The following ERC2 variants were observed in gnomAD, a reference collection of about 807,000 sequenced individuals.
ERC2 encodes ELKS/RAB6-interacting/CAST family member 2.
A neutral mutation model predicts 114.8 loss-of-function variants in ERC2; 42 were observed. The ratio of observed to expected loss-of-function variants is 0.37; its 90% CI spans 0.29 to 0.47. ERC2 has a LOEUF of 0.47. ERC2 is among the 20% of genes least tolerant of loss of function. The probability of loss-of-function intolerance (pLI) is 0.99; values close to 1 mark genes in which losing one functional copy is unlikely to be tolerated. For missense variants in ERC2, 939 were observed against 1,150.7 expected (o/e 0.82, Z 2.66); for synonymous variants, 454 against 425.5 (o/e 1.07, Z -0.82).
intron 14 of ERC2, among the ~76,000 whole-genome samples, chr3:55,801,742 C>A (rs976407576): frequency 6.6e-6 from 1 of 152,190 alleles, no homozygotes; most frequent in African/African-American, 2.4e-5. Flanking sequence ...AAATGTGGGA[C>A]CCTTGTTAAG....
intron 1 of ERC2, among the ~76,000 whole-genome samples, chr3:56,465,472 C>G (rs948860086): frequency 6.6e-6 from 1 of 152,110 alleles, no homozygotes; most frequent in East Asian, 1.9e-4. Context: ...ATCATTATAC[C>G]TAATCACTAA....
intron 3 of ERC2, among the ~76,000 whole-genome samples, chr3:56,206,776 C>G (rs1467239955): frequency 6.6e-6 from 1 of 152,204 alleles, no homozygotes; most frequent in East Asian, 1.9e-4. Flanking sequence ...TCCCCTTCCT[C>G]CCATTTGTGA....
chr3:55,742,163 A>T (rs933834464), intron 14 of ERC2, among the ~76,000 whole-genome samples: 1 of 152,032 alleles, frequency 6.6e-6, no homozygotes, highest in Non-Finnish European at 1.5e-5. Context: ...TCCTGCCAAG[A>T]TAAATGCCTT....
intron 17 of ERC2, among the ~76,000 whole-genome samples, chr3:55,540,797 A>G (rs2054342833): frequency 1.3e-5 from 2 of 152,216 alleles, no homozygotes; most frequent in Non-Finnish European, 1.5e-5. Flanking sequence ...GAGCAAGGTC[A>G]GTTCGGACCG....
At chr3:55,609,053 C>T (rs1349033330) in intron 17 of ERC2, among the ~76,000 whole-genome samples, 1 of 152,156 alleles carries the variant, frequency 6.6e-6, no homozygotes, top group Non-Finnish European at 1.5e-5. Context: ...CGATTACTTC[C>T]ATGTTGCAGA....
At chr3:55,866,269 T>C (rs1253110241) in intron 14 of ERC2, among the ~76,000 whole-genome samples, 1 of 152,228 alleles carries the variant, frequency 6.6e-6, no homozygotes. Flanking sequence ...CAGAAATGTC[T>C]ATTCAAATCC....
chr3:55,766,605 G>T (rs959146196), intron 14 of ERC2: 3 of 152,072 alleles, frequency 2.0e-5, no homozygotes, highest in Non-Finnish European at 4.4e-5. Flanking sequence ...GGGGGAAGAG[G>T]GTGAGTGGAG....
chr3:56,442,947 G>T (rs541978546), intron 1 of ERC2, among the ~76,000 whole-genome samples: 1 of 152,296 alleles, frequency 6.6e-6, no homozygotes, highest in African/African-American at 2.4e-5. Flanking sequence ...GATATAACAG[G>T]ATTTGAGAGG....
chr3:55,636,740 C>T (rs1417332408), intron 17 of ERC2, among the ~76,000 whole-genome samples: 1 of 152,190 alleles, frequency 6.6e-6, no homozygotes, highest in Non-Finnish European at 1.5e-5. Context: ...TGTGGCTGTG[C>T]TCCAACAAAA....
chr3:55,704,601 G>A (rs764985276), intron 15 of ERC2, among the ~76,000 whole-genome samples: 7 of 152,184 alleles, frequency 4.6e-5, no homozygotes, highest in Admixed American at 2.0e-4. Context: ...AGACAAGAAT[G>A]GGATGGCTAG....
chr3:55,672,855 G>C (rs937314), intron 17 of ERC2, among the ~76,000 whole-genome samples: 140,882 of 151,894 alleles, frequency 0.93, 65,384 homozygotes, highest in East Asian at 1. Context: ...CAGGCTTCGG[G>C]GCGTAGGAGT....
At chr3:55,628,534 C>T (rs2059614895) in intron 17 of ERC2, among the ~76,000 whole-genome samples, 1 of 152,108 alleles carries the variant, frequency 6.6e-6, no homozygotes, top group South Asian at 2.1e-4. Context: ...AACATTTTTC[C>T]TTCCTTCTAC....
Position 55,711,630 on chromosome 3 carries a change from C to T in ERC2, c.2713-12118G>A, listed in dbSNP as rs563148995. Among the ~76,000 whole-genome samples the T allele has an allele frequency of 5.5e-4, 84 of 152,314 alleles. 4 individuals are homozygous for T. In the South Asian group the frequency reaches 0.017, roughly 31 times the overall value. On this transcript the variant is annotated intron_variant, in intron 15 of 17. Coordinates refer to ENST00000288221, the MANE Select transcript of ERC2 (RefSeq NM_015576.3). Reference sequence around the variant, plus strand: ...CTTTTTTTCATTTTATTCCAAGATGCATCCCAAGCACCTAAAGCACTGCCT... The same window carrying T: ...CTTTTTTTCATTTTATTCCAAGATGTATCCCAAGCACCTAAAGCACTGCCT...
At chr3:55,732,286 T>C (rs538434454) in intron 15 of ERC2, among the ~76,000 whole-genome samples, 1 of 152,300 alleles carries the variant, frequency 6.6e-6, no homozygotes, top group Admixed American at 6.5e-5. Flanking sequence ...GTCATTATCA[T>C]TGGCAATAAG....
At chr3:56,195,835 GA>G (rs963993524) in intron 3 of ERC2, among the ~76,000 whole-genome samples, 66 of 147,102 alleles carry the variant, frequency 4.5e-4, no homozygotes, top group African/African-American at 1.4e-3. Context: ...TCTAAAATAA[GA>G]AAAAAAAAAT....
At chr3:55,529,720 G>A (rs1367056628) in intron 17 of ERC2, among the ~76,000 whole-genome samples, 1 of 152,146 alleles carries the variant, frequency 6.6e-6, no homozygotes, top group Non-Finnish European at 1.5e-5. Flanking sequence ...AACCAGAGAC[G>A]TGCTCTTCAG....
chr3:56,460,993 T>A (rs1226238211), intron 1 of ERC2, among the ~76,000 whole-genome samples: 8 of 137,402 alleles, frequency 5.8e-5, no homozygotes, highest in Admixed American at 7.4e-5. Flanking sequence ...CAAGATGGCA[T>A]AAAGGCTTTT....
chr3:56,000,295 T>C (rs1265189382), intron 10 of ERC2, among the ~76,000 whole-genome samples: 1 of 152,068 alleles, frequency 6.6e-6, no homozygotes, highest in Non-Finnish European at 1.5e-5. Context: ...AGAGAATAGT[T>C]TCCAGAATAA....
chr3:56,415,684 AT>A (rs141063976), intron 2 of ERC2, among the ~76,000 whole-genome samples: 2,883 of 152,338 alleles, frequency 0.019, 39 homozygotes, highest in Non-Finnish European at 0.03. Flanking sequence ...GAGAAATGCC[AT>A]CAACAGCAAA....
Sources: gnomAD v4.1 joint callset for allele counts (sites outside exome capture counted in the v4.1 genomes callset) on GRCh38, gnomAD v4.1.1 for gene constraint, MANE v1.5 for transcripts, NCBI Gene and HGNC (gene_info 2026-07-23, HGNC 2026-07-21) for gene names.